The following ABCC4 variants were observed in gnomAD, a reference collection of about 807,000 sequenced individuals.
The protein encoded by ABCC4 is ATP binding cassette subfamily C member 4 (PEL blood group).
Under a neutral mutation model 168.5 loss-of-function variants are expected in ABCC4, and 102 were observed. The ratio of observed to expected loss-of-function variants is 0.61; its 90% CI spans 0.52 to 0.71. The LOEUF is 0.71. Ranked by LOEUF, ABCC4 falls within the 30% of genes least tolerant of loss-of-function variation. ABCC4 has a pLI of 0.00. For synonymous variants in ABCC4, 617 were observed against 590.7 expected, an observed-to-expected ratio of 1.04 and a Z score of -0.65; for missense variants, 1,402 against 1,605.8, an observed-to-expected ratio of 0.87 and a Z score of 2.17.
chr13:95,137,110 G>A (rs1224971978), intron 19 of ABCC4, among the ~76,000 whole-genome samples: 1 of 152,184 alleles, frequency 6.6e-6, no homozygotes, highest in African/African-American at 2.4e-5. Flanking sequence ...TCCCCTACCG[G>A]ATCCACCCCA....
At chr13:95,296,869 T>C (rs1395869214) in intron 1 of ABCC4, among the ~76,000 whole-genome samples, 1 of 152,124 alleles carries the variant, frequency 6.6e-6, no homozygotes. Context: ...ATTCAATAAA[T>C]GATAATGGGG....
chr13:95,167,177 CATAAATAA>C (rs57260755), intron 14 of ABCC4, among the ~76,000 whole-genome samples: 489 of 143,450 alleles, frequency 3.4e-3, no homozygotes, highest in South Asian at 0.017. Context: ...AACTCCATCT[CATAAATAA>C]ATAAATAAAT....
intron 4 of ABCC4, among the ~76,000 whole-genome samples, chr13:95,231,787 A>G (rs138228444): frequency 8.1e-4 from 123 of 152,332 alleles, no homozygotes; most frequent in Non-Finnish European, 1.7e-3. Context: ...AGATGTTTAC[A>G]TGCAGGCAAG....
chr13:95,186,918 T>C (rs1362444808), intron 10 of ABCC4, 26 bp from the exon 11 acceptor site: 5 of 1,584,906 alleles, frequency 3.2e-6, no homozygotes, highest in Admixed American at 3.6e-5. Context: ...AAAAAGCACA[T>C]GTTCAGTCAA....
At chr13:95,029,495 G>A (rs1277132654) in intron 30 of ABCC4, among the ~76,000 whole-genome samples, 1 of 152,008 alleles carries the variant, frequency 6.6e-6, no homozygotes, top group East Asian at 1.9e-4. Flanking sequence ...GAGGAACTGC[G>A]TGATGAAGGG....
At chr13:95,183,797 C>T (rs2037973510) in intron 11 of ABCC4, among the ~76,000 whole-genome samples, 1 of 152,128 alleles carries the variant, frequency 6.6e-6, no homozygotes, top group African/African-American at 2.4e-5. Context: ...ACCTGTGACC[C>T]CAGTTACTCA....
intron 20 of ABCC4, among the ~76,000 whole-genome samples, chr13:95,102,138 T>A (rs896401745): frequency 3.9e-5 from 6 of 152,148 alleles, no homozygotes; most frequent in African/African-American, 1.4e-4. Context: ...CTTGAAATTT[T>A]TTATTATTAT....
At chr13:95,166,563 G>C in intron 14 of ABCC4, among the ~76,000 whole-genome samples, 196 bp from the exon 15 acceptor site, 1 of 152,138 alleles carries the variant, frequency 6.6e-6, no homozygotes, top group East Asian at 1.9e-4. Context: ...TCTGTGTTAG[G>C]TCCTGAAGAA....
At position 95,069,836 on chromosome 13, in the gene ABCC4, G is replaced by A. The variant is rs966406634; in HGVS notation, c.3210+1826C>T. Among the ~76,000 whole-genome samples, 10 of 152,264 alleles carry A rather than the reference G, an allele frequency of 6.6e-5. 1 individual carries two copies. Among genetic ancestry groups the A allele is most frequent in the Non-Finnish European group, 1.3e-4 (9 of 68,024 alleles). On this transcript the variant is annotated intron_variant, in intron 25 of 30. Coordinates refer to ENST00000645237, the MANE Select transcript of ABCC4 (RefSeq NM_005845.5). ...CTGGATAATATTCCATTATGCGTGC[G>A]TATCACATTTTGTTTTTCCATTCCT...
intron 20 of ABCC4, among the ~76,000 whole-genome samples, chr13:95,112,874 C>G (rs1399669938): frequency 1.3e-5 from 2 of 152,108 alleles, no homozygotes; most frequent in African/African-American, 4.8e-5. Context: ...AACCTGATGA[C>G]AGCCACAAAA....
chr13:95,072,790 G>C (rs1400422458), intron 24 of ABCC4, among the ~76,000 whole-genome samples: 1 of 152,168 alleles, frequency 6.6e-6, no homozygotes, highest in Admixed American at 6.5e-5. Flanking sequence ...GTAAACGCTA[G>C]AACTGGGAGA....
At chr13:95,098,967 A>G (rs1414902305) in intron 20 of ABCC4, among the ~76,000 whole-genome samples, 1 of 152,198 alleles carries the variant, frequency 6.6e-6, no homozygotes, top group African/African-American at 2.4e-5. Flanking sequence ...TCCTTGTCAT[A>G]GTTTGATTTT....
chr13:95,282,404 AG>A (rs1404148680), intron 1 of ABCC4, among the ~76,000 whole-genome samples: 1 of 152,246 alleles, frequency 6.6e-6, no homozygotes, highest in Non-Finnish European at 1.5e-5. Context: ...GCTCAAGAGC[AG>A]GGGTTCTGAC....
chr13:95,085,254 C>T (rs1566403987), intron 20 of ABCC4, among the ~76,000 whole-genome samples: 1 of 147,058 alleles, frequency 6.8e-6, no homozygotes, highest in Non-Finnish European at 1.5e-5. Context: ...GCCTGGCCAA[C>T]GTGGTGAAAC....
At chr13:95,192,675 T>C (rs2038292808) in intron 9 of ABCC4, among the ~76,000 whole-genome samples, 1 of 152,136 alleles carries the variant, frequency 6.6e-6, no homozygotes, top group Non-Finnish European at 1.5e-5. Context: ...CCCAGCACTT[T>C]GGGAGGCCAA....
intron 11 of ABCC4, among the ~76,000 whole-genome samples, chr13:95,182,697 T>C (rs531110562): frequency 1.3e-5 from 2 of 152,330 alleles, no homozygotes; most frequent in African/African-American, 4.8e-5. Context: ...ATTTTACAGA[T>C]GACAAAACTG....
Position 95,074,260 on chromosome 13 carries a change from G to A in ABCC4, c.2871C>T (p.Ala957=). ...CAAAGGCAACGATGATGACAAACATGGCACAGATGGCATCCAGACGGACGG... is the reference window on the plus strand; with the variant it reads ...CAAAGGCAACGATGATGACAAACATAGCACAGATGGCATCCAGACGGACGG... ...WFAVRLDAIC[A]MFVIIVAFGS... is the part of the protein sequence containing the mutation. The change falls in exon 23 of 31, where the codon GCC becomes GCT. Residue 957 remains alanine, a synonymous_variant. Transcript: ENST00000645237. 1 of 1,614,020 alleles carries A rather than the reference G, an allele frequency of 6.2e-7. No homozygotes were observed. Among genetic ancestry groups the A allele is most frequent in the Non-Finnish European group, 8.5e-7 (1 of 1,179,964 alleles).
chr13:95,024,352 G>C (rs2031277704), intron 30 of ABCC4, among the ~76,000 whole-genome samples: 1 of 152,166 alleles, frequency 6.6e-6, no homozygotes, highest in Non-Finnish European at 1.5e-5. Context: ...GGCAAGAAGA[G>C]TATCAGGTCA....
intron 27 of ABCC4, among the ~76,000 whole-genome samples, chr13:95,048,555 C>G (rs749988687): frequency 6.6e-6 from 1 of 152,150 alleles, no homozygotes. Context: ...TAAGTGTGAA[C>G]GAAGCGAGCG....
Sources: gnomAD v4.1 joint callset for allele counts (sites outside exome capture counted in the v4.1 genomes callset) on GRCh38, gnomAD v4.1.1 for gene constraint, MANE v1.5 for transcripts, NCBI Gene and HGNC (gene_info 2026-07-23, HGNC 2026-07-21) for gene names.